Variants in DNAAF4 observed in about 807,000 individuals in gnomAD.
DNAAF4 encodes the protein dynein assembly factor 4, axonemal.
Under a neutral mutation model 51.8 loss-of-function variants are expected in DNAAF4, and 43 were observed. The ratio of observed to expected loss-of-function variants is 0.83; its 90% confidence interval spans 0.65 to 1.07. The LOEUF is 1.07. Ranked by LOEUF, DNAAF4 falls within the 50% of genes least tolerant of loss-of-function variation. The pLI is 0.00. For missense variants in DNAAF4, 581 were observed against 493.0 expected, an observed-to-expected ratio of 1.18 and a Z score of -1.69; for synonymous variants, 194 against 165.6, an observed-to-expected ratio of 1.17 and a Z score of -1.32.
At chr15:55,456,290 C>T (rs2058020035) in intron 5 of DNAAF4, among the ~76,000 whole-genome samples, 1 of 152,048 alleles carries the variant, frequency 6.6e-6, no homozygotes, top group African/African-American at 2.4e-5. Context: ...CCATGTTGGT[C>T]AGGCTAGTCT....
chr15:55,444,034 G>A (rs552566085), intron 6 of DNAAF4, among the ~76,000 whole-genome samples: 1 of 152,172 alleles, frequency 6.6e-6, no homozygotes, highest in South Asian at 2.1e-4. Context: ...CTGTGCAGAG[G>A]CTCTTTAGTT....
At chr15:55,455,715 A>G (rs2058010384) in intron 5 of DNAAF4, among the ~76,000 whole-genome samples, 1 of 152,120 alleles carries the variant, frequency 6.6e-6, no homozygotes, top group African/African-American at 2.4e-5. Context: ...TATAGGCGTT[A>G]GCCACCATGC....
chr15:55,425,993 T>A (rs1007555122), downstream of DNAAF4, among the ~76,000 whole-genome samples: 3 of 152,192 alleles, frequency 2.0e-5, no homozygotes, highest in African/African-American at 7.2e-5. Flanking sequence ...TTATTACTAA[T>A]CAAATCAGAC....
At chr15:55,500,347 C>A (rs1004165432) in intron 1 of DNAAF4, among the ~76,000 whole-genome samples, 8 of 152,010 alleles carry the variant, frequency 5.3e-5, no homozygotes, top group African/African-American at 1.9e-4. Flanking sequence ...GAGAAACCCA[C>A]GAATCCCATG....
intron 4 of DNAAF4, among the ~76,000 whole-genome samples, chr15:55,473,198 A>AAAAAAAAAATATAT (rs1209754897): frequency 1.3e-5 from 1 of 75,750 alleles, no homozygotes; most frequent in Non-Finnish European, 2.5e-5. Flanking sequence ...AAAAAAAAAA[A>AAAAAAAAAATATAT]ATATATATAT....
chr15:55,448,816 G>C (rs1445520734), intron 6 of DNAAF4, among the ~76,000 whole-genome samples: 1 of 151,318 alleles, frequency 6.6e-6, no homozygotes, highest in Non-Finnish European at 1.5e-5. Context: ...CTTGCAGTGA[G>C]CGGAGACTGC....
intron 3 of DNAAF4, among the ~76,000 whole-genome samples, chr15:55,494,407 G>T (rs531413602): frequency 3.3e-5 from 5 of 151,894 alleles, no homozygotes; most frequent in African/African-American, 9.6e-5. Context: ...TAAATTAGTG[G>T]TTTTTTATTT....
chr15:55,444,980 T>A (rs1049126278), intron 6 of DNAAF4, among the ~76,000 whole-genome samples: 4 of 151,852 alleles, frequency 2.6e-5, no homozygotes, highest in African/African-American at 9.7e-5. Context: ...TATACAATCA[T>A]GTCATCTGCA....
chr15:55,423,784 C>T (rs1175519228), intron 7 of DNAAF4, among the ~76,000 whole-genome samples: 4 of 152,022 alleles, frequency 2.6e-5, no homozygotes, highest in Non-Finnish European at 5.9e-5. Flanking sequence ...GAAATGCTGT[C>T]TCTATTAAAA....
chr15:55,461,710 A>G (rs1230542565), intron 5 of DNAAF4, among the ~76,000 whole-genome samples: 1 of 152,188 alleles, frequency 6.6e-6, no homozygotes, highest in Non-Finnish European at 1.5e-5. Context: ...CAGACAATCT[A>G]GGCTCACACA....
chr15:55,439,969 A>G (rs1175342150), intron 6 of DNAAF4, among the ~76,000 whole-genome samples: 1 of 152,192 alleles, frequency 6.6e-6, no homozygotes, highest in Non-Finnish European at 1.5e-5. Context: ...AGCCTCCAGA[A>G]CTATAAGAAA....
At chr15:55,418,767 G>A in intron 7 of DNAAF4, 1 of 466,910 alleles carries the variant, frequency 2.1e-6, no homozygotes. Flanking sequence ...AAAATAAAAG[G>A]TAGAAAGTGT....
intron 6 of DNAAF4, among the ~76,000 whole-genome samples, chr15:55,449,035 G>A (rs1365964887): frequency 6.7e-6 from 1 of 149,838 alleles, no homozygotes; most frequent in African/African-American, 2.5e-5. Flanking sequence ...TTTCACCCAG[G>A]CTGGAGTGAA....
intron 3 of DNAAF4, among the ~76,000 whole-genome samples, chr15:55,496,346 G>T (rs1196940496): frequency 6.6e-6 from 1 of 152,166 alleles, no homozygotes; most frequent in Non-Finnish European, 1.5e-5. Context: ...GATTTCACTG[G>T]ATTAGAGTAT....
chr15:55,433,963 A>AATATTATAAT (rs1555413861), intron 8 of DNAAF4, among the ~76,000 whole-genome samples: 4 of 29,908 alleles, frequency 1.3e-4, no homozygotes, highest in African/African-American at 4.0e-4. Context: ...TAATATATAT[A>AATATTATAAT]ATATATTTTA....
At chr15:55,422,954 G>A (rs1265094193) in intron 7 of DNAAF4, among the ~76,000 whole-genome samples, 1 of 151,884 alleles carries the variant, frequency 6.6e-6, no homozygotes, top group Non-Finnish European at 1.5e-5. Flanking sequence ...CCAAGATCAC[G>A]ACATTGCACT....
intron 4 of DNAAF4, among the ~76,000 whole-genome samples, chr15:55,488,126 T>G (rs952718476): frequency 1.3e-5 from 2 of 152,054 alleles, no homozygotes; most frequent in Non-Finnish European, 2.9e-5. Context: ...TTTTCTTTTT[T>G]TTTTTTTGCT....
At chr15:55,460,767 A>T (rs1037548882) in intron 5 of DNAAF4, among the ~76,000 whole-genome samples, 3 of 145,686 alleles carry the variant, frequency 2.1e-5, no homozygotes, top group African/African-American at 7.6e-5. Flanking sequence ...AGTCTCAATA[A>T]TTTTTTTTTT....
At chr15:55,465,999 C>T (rs530202680) in intron 5 of DNAAF4, among the ~76,000 whole-genome samples, 1 of 152,108 alleles carries the variant, frequency 6.6e-6, no homozygotes, top group African/African-American at 2.4e-5. Flanking sequence ...GTGTACACTG[C>T]TTGGTTGATG....
Sources: allele counts gnomAD v4.1 joint callset (sites outside exome capture counted in the v4.1 genomes callset), GRCh38; gene constraint gnomAD v4.1.1; transcripts MANE v1.5; gene names NCBI Gene and HGNC (gene_info 2026-07-23, HGNC 2026-07-21).